OTOG: variants seen among roughly 807,000 people sequenced by gnomAD.
OTOG encodes the protein otogelin.
A neutral mutation model predicts 313.8 loss-of-function variants in OTOG; 296 were observed. The ratio of observed to expected loss-of-function variants is 0.94; its 90% CI spans 0.86 to 1.04. The LOEUF (loss-of-function observed/expected upper bound fraction) is 1.04, where lower values mean the gene tolerates loss of function less well. Among genes scored for constraint, OTOG ranks in the 50% least tolerant of loss-of-function variants. The pLI is 0.00. For synonymous variants in OTOG, 1,533 were observed against 1,554.9 expected (o/e 0.99, Z 0.33); for missense variants, 3,948 against 3,840.1 (o/e 1.03, Z -0.74).
intron 24 of OTOG, among the ~76,000 whole-genome samples, chr11:17,590,552 G>A (rs1046189291): frequency 5.3e-5 from 8 of 152,162 alleles, no homozygotes; most frequent in Admixed American, 3.3e-4. Context: ...CCCCTTGACC[G>A]CCTTGAGCTT....
chr11:17,578,921 ACTGTT>A (rs1405421225), intron 23 of OTOG, among the ~76,000 whole-genome samples: 1 of 152,176 alleles, frequency 6.6e-6, no homozygotes, highest in Admixed American at 6.5e-5. Context: ...CTTCCTCTGC[ACTGTT>A]CTGACCAGAG....
chr11:17,606,858 T>A (rs1397775164), intron 33 of OTOG, among the ~76,000 whole-genome samples: 2 of 152,220 alleles, frequency 1.3e-5, no homozygotes, highest in African/African-American at 4.8e-5. Flanking sequence ...GAGCTCATTC[T>A]TCCCTTCAGC....
At chr11:17,582,396 T>A (rs954180539) in intron 23 of OTOG, among the ~76,000 whole-genome samples, 1 of 152,224 alleles carries the variant, frequency 6.6e-6, no homozygotes, top group South Asian at 2.1e-4. Flanking sequence ...AGAAAACAGT[T>A]ATTTATCTGC....
At chr11:17,637,104 A>G (rs1312344139) in intron 47 of OTOG, among the ~76,000 whole-genome samples, 1 of 152,084 alleles carries the variant, frequency 6.6e-6, no homozygotes, top group Non-Finnish European at 1.5e-5. Context: ...TGAAAATACC[A>G]CCTTCCTACC....
At position 17,613,654 on chromosome 11, in the gene OTOG, A is replaced by G. The variant is rs1424994171; in HGVS notation, c.6481A>G (p.Met2161Val). 3 of 1,550,758 alleles carry G rather than the reference A, an allele frequency of 1.9e-6. No individual in the cohort carries two copies. The East Asian group carries it at 7.3e-5, about 38-fold the overall frequency. The change falls in exon 39 of 56, where the codon ATG becomes GTG. Residue 2161 changes from methionine to valine, a missense_variant. Coordinates refer to ENST00000399397, the MANE Select transcript of OTOG (RefSeq NM_001292063.2). ...CCCGTTCTGTCTGGTGATGTTGAAC[A>G]TGACTCACTTGGCCCATCAGGTCAC... ...WPPFCLVMLN[M>V]THLAHQVTID...
chr11:17,633,617 G>A, intron 42 of OTOG, 63 bp from the exon 43 acceptor site: 3 of 1,422,580 alleles, frequency 2.1e-6, no homozygotes, highest in Non-Finnish European at 2.8e-6. Flanking sequence ...TGTTCTTTCG[G>A]CCCTCAGTGG....
intron 20 of OTOG, among the ~76,000 whole-genome samples, chr11:17,575,578 A>G (rs533373912): frequency 1.3e-5 from 2 of 152,288 alleles, no homozygotes; most frequent in African/African-American, 4.8e-5. Context: ...CAGCGACCCC[A>G]CGTGATCTTG....
rs375438191 is a variant in OTOG at position 17,612,148 on chromosome 11, C to T, written c.6124-14C>T. Reference sequence around the variant, plus strand: ...CCTTGATGGTCACTCACACTTCCTCCACTCTGTACCCAGCCAATCGCCGAG... The same window carrying T: ...CCTTGATGGTCACTCACACTTCCTCTACTCTGTACCCAGCCAATCGCCGAG... On this transcript the variant is annotated splice_polypyrimidine_tract_variant and intron_variant, in intron 36 of 55. Transcript: ENST00000399397. The T allele has an allele frequency of 1.7e-5, 26 of 1,548,950 alleles. No homozygotes were observed. Among genetic ancestry groups the T allele is most frequent in the East Asian group, 9.8e-5 (4 of 40,910 alleles).
At chr11:17,603,495 C>T (rs561672850) in intron 32 of OTOG, among the ~76,000 whole-genome samples, 2 of 152,158 alleles carry the variant, frequency 1.3e-5, no homozygotes, top group African/African-American at 2.4e-5. Flanking sequence ...CCCGGAGTCA[C>T]CTGGCCTTAG....
At chr11:17,597,307 C>A (rs569754115) in intron 30 of OTOG, among the ~76,000 whole-genome samples, 69 of 152,342 alleles carry the variant, frequency 4.5e-4, no homozygotes, top group African/African-American at 1.4e-3. Flanking sequence ...CTCATAGCCA[C>A]TTTGTTAGAA....
intron 3 of OTOG, among the ~76,000 whole-genome samples, chr11:17,550,900 C>T (rs556873002): frequency 1.3e-5 from 2 of 152,204 alleles, no homozygotes; most frequent in African/African-American, 2.4e-5. Flanking sequence ...AAGGTGTGAG[C>T]GTAAGGGACA....
In OTOG at chr11:17,562,237, CAA is replaced by C. The variant is rs759962274; in HGVS notation, c.1644+450_1644+451del. Among the ~76,000 whole-genome samples the C allele has an allele frequency of 1.6e-3, 99 of 62,694 alleles. 1 individual carries two copies. The highest frequency in any genetic ancestry group is 0.01 in the Middle Eastern group (1 of 100). The allele number at this position is 62,694 out of a possible 152,430, so 41.1% of individuals were successfully genotyped here. A position where few individuals can be genotyped will look rare whatever the true frequency, so the allele number is the denominator to read the frequency against. ...TGGGCAACAGAGCGAGACTCCGTCT[CAA>C]AAAAAAAAAAAAAAAAAAAGAAATG... On this transcript the variant is annotated intron_variant, in intron 15 of 55. Transcript: ENST00000399397.
chr11:17,572,243 G>A, intron 18 of OTOG, 39 bp downstream of exon 18: 1 of 1,548,524 alleles, frequency 6.5e-7, no homozygotes, highest in Admixed American at 2.0e-5. Context: ...TGGTTGAGTG[G>A]GGTGGGGAGG....
intron 3 of OTOG, among the ~76,000 whole-genome samples, chr11:17,550,777 G>T (rs755872194): frequency 6.6e-6 from 1 of 152,236 alleles, no homozygotes; most frequent in Non-Finnish European, 1.5e-5. Context: ...GACTCCTGGG[G>T]CTGGGGCTGG....
intron 10 of OTOG, among the ~76,000 whole-genome samples, 153 bp downstream of exon 10, chr11:17,558,797 C>A (rs540431794): frequency 1.7e-3 from 261 of 152,354 alleles, no homozygotes; most frequent in African/African-American, 5.9e-3. Flanking sequence ...AGAGCTGCCC[C>A]ATTCAACTGA....
At chr11:17,573,023 G>A (rs1230766395) in intron 18 of OTOG, 55 bp from the exon 19 acceptor site, 1 of 1,445,362 alleles carries the variant, frequency 6.9e-7, no homozygotes. Context: ...CTGATCCTGG[G>A]ACACCAGGTA....
chr11:17,558,357 C>A (rs1025087383), intron 9 of OTOG, 42 bp downstream of exon 9: 3 of 1,546,298 alleles, frequency 1.9e-6, no homozygotes, highest in Non-Finnish European at 1.7e-6. Flanking sequence ...TAGAGCCTGA[C>A]TTGCTATCCA....
At chr11:17,612,511 G>A in intron 37 of OTOG, 109 bp from the exon 38 acceptor site, 2 of 1,422,480 alleles carry the variant, frequency 1.4e-6, no homozygotes, top group Non-Finnish European at 1.9e-6. Context: ...CCAGACCCCA[G>A]GCCTCTGCAT....
Position 17,547,351 on chromosome 11 carries a change from C to T in OTOG, c.-22C>T. On this transcript the variant is annotated 5_prime_UTR_variant, in exon 1 of 56. Transcript: ENST00000399397. ...CGGGAGGCTGGCCCTGCGCTCAAGT[C>T]CTCCGGTCCCCTCGTGTCCCTATGG... 1 of 1,332,402 alleles carries T rather than the reference C, an allele frequency of 7.5e-7. No homozygotes were observed. The highest frequency in any genetic ancestry group is 9.6e-7 in the Non-Finnish European group (1 of 1,046,122). The allele number at this position is 1,332,402 out of a possible 1,614,324, so 82.5% of individuals were successfully genotyped here.
Sources: allele counts gnomAD v4.1 joint callset (sites outside exome capture counted in the v4.1 genomes callset), GRCh38; gene constraint gnomAD v4.1.1; transcripts MANE v1.5; gene names NCBI Gene and HGNC (gene_info 2026-07-23, HGNC 2026-07-21).